The following A2ML1 variants were observed in gnomAD, a reference collection of about 807,000 sequenced individuals.
The protein encoded by A2ML1 is alpha-2-macroglobulin like 1.
Under a neutral mutation model 181.9 loss-of-function variants are expected in A2ML1, and 161 were observed. The ratio of observed to expected loss-of-function variants is 0.89; its 90% CI spans 0.78 to 1.01. A2ML1 has a LOEUF of 1.01. Among genes scored for constraint, A2ML1 ranks in the 50% least tolerant of loss-of-function variants. The probability of loss-of-function intolerance (pLI) is 0.00; values close to 1 mark genes in which losing one functional copy is unlikely to be tolerated. For missense variants in A2ML1, 1,670 were observed against 1,768.1 expected (o/e 0.94, Z 1.00); for synonymous variants, 663 against 666.8 (o/e 0.99, Z 0.09).
Position 8,835,665 on chromosome 12 carries a change from T to C in A2ML1, c.642T>C (p.Tyr214=). Residue 214 remains tyrosine, a splice_region_variant and synonymous_variant, in exon 6 of 36, where the codon TAT becomes TAC. Coordinates refer to ENST00000299698, the MANE Select transcript of A2ML1 (RefSeq NM_144670.6). ...TTGGTACTTTCAGTGTGGAGGAATA[T>C]GGTAGGTGGGGAAATGGACAGGCCA... ...KTFGTFSVEE[Y]VLPKFKVEVV... is the part of the protein sequence containing the mutation. The C allele has an allele frequency of 6.2e-7, 1 of 1,613,954 alleles. No individual in the cohort carries two copies. Among genetic ancestry groups the C allele is most frequent in the Non-Finnish European group, 8.5e-7 (1 of 1,179,950 alleles).
chr12:8,849,024 C>A, intron 16 of A2ML1, 110 bp downstream of exon 16: 1 of 1,225,376 alleles, frequency 8.2e-7, no homozygotes, highest in Non-Finnish European at 1.1e-6. Context: ...CTGATGGGAA[C>A]AAAATCTTGA....
chr12:8,857,210 G>A lies in A2ML1; in HGVS notation c.2895G>A (p.Gln965=), dbSNP rs11047626. 1 of 1,612,950 alleles carries A rather than the reference G, an allele frequency of 6.2e-7. No individual in the cohort carries two copies. Among genetic ancestry groups the A allele is most frequent in the Admixed American group, 1.7e-5 (1 of 60,026 alleles). The change falls in exon 24 of 36, where the codon CAG becomes CAA. Residue 965 remains glutamine, a synonymous_variant. Coordinates refer to ENST00000299698, the MANE Select transcript of A2ML1 (RefSeq NM_144670.6). ...TALQNLDGLV[Q]MPSGCGEQNM... ...TGCAGAACCTGGATGGTCTGGTGCA[G>A]ATGCCCAGTGGCTGTGGCGAGCAGA...
rs770914043 is a variant in A2ML1, at chr12:8,868,096, G to A, written c.3933+39G>A. The A allele has an allele frequency of 4.3e-6, 7 of 1,610,984 alleles. No homozygotes were observed. In the South Asian group the frequency reaches 7.7e-5, roughly 18 times the overall value. On this transcript the variant is annotated intron_variant, in intron 30 of 35. Transcript: ENST00000299698. ...CATGAGAATGAGCGGACATTGGGAA[G>A]GAGAGTCGGAGAGCATCTTCCCCTT...
At chr12:8,858,815 G>A (rs1410435785) in intron 26 of A2ML1, among the ~76,000 whole-genome samples, 1 of 151,998 alleles carries the variant, frequency 6.6e-6, no homozygotes, top group Admixed American at 6.6e-5. Context: ...AAAGATCTCT[G>A]GGCCTCTTAC....
chr12:8,873,211 T>C (rs905675820), intron 33 of A2ML1, among the ~76,000 whole-genome samples: 1 of 151,954 alleles, frequency 6.6e-6, no homozygotes, highest in African/African-American at 2.4e-5. Context: ...CAATTAGGCG[T>C]TAATAGCGCT....
At chr12:8,853,798 T>C (rs1943969926) in intron 20 of A2ML1, among the ~76,000 whole-genome samples, 1 of 152,214 alleles carries the variant, frequency 6.6e-6, no homozygotes, top group Admixed American at 6.5e-5. Context: ...TTTTGTAACC[T>C]AATCCCAGAA....
intron 33 of A2ML1, 29 bp downstream of exon 33, chr12:8,869,232 C>T: frequency 1.2e-6 from 2 of 1,608,662 alleles, no homozygotes; most frequent in Non-Finnish European, 1.7e-6. Flanking sequence ...GATCAAAGAG[C>T]TGGATTGCTT....
At chr12:8,837,891 GAAAAAAA>G (rs151300022) in intron 8 of A2ML1, among the ~76,000 whole-genome samples, 1 of 103,838 alleles carries the variant, frequency 9.6e-6, no homozygotes, top group Admixed American at 1.0e-4. Context: ...CTCCCCCACC[GAAAAAAA>G]AAAAAAAAAA....
chr12:8,868,645 T>C lies in A2ML1; in HGVS notation c.4152+18T>C. Reference sequence around the variant, plus strand: ...ATCAGTTAGTAAGTTACTTCTGTTTTCTTCATTTATCTAGCTGTGAGGGGA... The same window carrying C: ...ATCAGTTAGTAAGTTACTTCTGTTTCCTTCATTTATCTAGCTGTGAGGGGA... On this transcript the variant is annotated intron_variant, in intron 32 of 35. Coordinates refer to ENST00000299698, the MANE Select transcript of A2ML1 (RefSeq NM_144670.6). The C allele has an allele frequency of 6.2e-7, 1 of 1,607,920 alleles. No individual in the cohort carries two copies. Among genetic ancestry groups the C allele is most frequent in the Middle Eastern group, 1.7e-4 (1 of 6,022 alleles).
At position 8,848,850 on chromosome 12, in the gene A2ML1, G is replaced by C. The variant is rs754573937; in HGVS notation, c.1964G>C (p.Ser655Thr). ...GACCCAATGCCCCAAGGGCATTCGA[G>C]CCAGCGTTCCATTATCTGGAGGCCC... ...LIDPMPQGHS[S>T]QRSIIWRPSF... Residue 655 changes from serine (S) to threonine (T), a missense_variant, in exon 16 of 36, where the codon AGC becomes ACC. Physicochemically the swap from Ser to Thr is moderately conservative, Grantham distance 58. Coordinates refer to ENST00000299698, the MANE Select transcript of A2ML1 (RefSeq NM_144670.6). 5.6e-6 allele frequency: 9 copies of C among 1,613,994 alleles called. No individual in the cohort carries two copies. The highest frequency in any genetic ancestry group is 7.6e-6 in the Non-Finnish European group (9 of 1,180,006).
At chr12:8,842,409 T>C (rs111859302) in intron 11 of A2ML1, among the ~76,000 whole-genome samples, 19,284 of 151,812 alleles carry the variant, frequency 0.13, 1,493 homozygotes, top group Non-Finnish European at 0.18. Context: ...TTAGTAGAGA[T>C]GGGGTTTCAC....
At position 8,850,155 on chromosome 12, in the gene A2ML1, A is replaced by G; in HGVS notation, c.2120-5A>G. 3.8e-6 allele frequency: 6 copies of G among 1,592,142 alleles called. No individual in the cohort carries two copies. Among genetic ancestry groups the G allele is most frequent in the South Asian group, 1.1e-5 (1 of 87,320 alleles). The stretch of plus-strand genomic sequence containing the variant: ...CTAAAGTTTTCGTATTCTCAATTTC[A>G]TCAGCAGGCGGTGGTCATCCAGAGG... On this transcript the variant is annotated splice_region_variant and splice_polypyrimidine_tract_variant and intron_variant, in intron 17 of 35. Transcript: ENST00000299698.
intron 12 of A2ML1, 23 bp from the exon 13 acceptor site, chr12:8,845,419 G>C (rs780881601): frequency 3.1e-6 from 5 of 1,612,370 alleles, no homozygotes; most frequent in Non-Finnish European, 4.2e-6. Flanking sequence ...CTGTGCAGTT[G>C]ATTCTTTTCT....
At chr12:8,871,330 C>A (rs1944615145) in intron 33 of A2ML1, among the ~76,000 whole-genome samples, 1 of 152,124 alleles carries the variant, frequency 6.6e-6, no homozygotes, top group Non-Finnish European at 1.5e-5. Context: ...TATTTCTTTT[C>A]TCTTGGGCTT....
In A2ML1 at chr12:8,843,347, A is replaced by G; in HGVS notation, c.1462A>G (p.Ser488Gly). 2 of 1,614,042 alleles carry G rather than the reference A, an allele frequency of 1.2e-6. No homozygotes were observed. Among genetic ancestry groups the G allele is most frequent in the Non-Finnish European group, 1.7e-6 (2 of 1,179,910 alleles). The part of the protein sequence containing the change: ...PADASPDQEI[S>G]FSYYLIGKGS... ...CGATGCAAGCCCTGACCAAGAGATCAGCTTCTCCTACTATGTGAGACCGGG... is the reference window on the plus strand; with the variant it reads ...CGATGCAAGCCCTGACCAAGAGATCGGCTTCTCCTACTATGTGAGACCGGG... Residue 488 changes from serine to glycine, a missense_variant, in exon 12 of 36, where the codon AGC becomes GGC. Transcript: ENST00000299698.
intron 11 of A2ML1, 24 bp downstream of exon 11, chr12:8,841,560 T>C (rs375370882): frequency 3.8e-6 from 6 of 1,587,240 alleles, no homozygotes; most frequent in Middle Eastern, 1.7e-4. Flanking sequence ...GAGGACCAGC[T>C]TCCTAGAAAG....
chr12:8,826,237 A>G (rs776855467), intron 3 of A2ML1, among the ~76,000 whole-genome samples: 8 of 152,156 alleles, frequency 5.3e-5, no homozygotes, highest in Non-Finnish European at 1.2e-4. Flanking sequence ...AATTCTTCCA[A>G]TCCAGAAACA....
chr12:8,841,316 A>T, intron 10 of A2ML1, 53 bp from the exon 11 acceptor site: 4 of 1,546,120 alleles, frequency 2.6e-6, no homozygotes, highest in Admixed American at 1.9e-5. Context: ...TTTACCTCAT[A>T]CTCAAGCTTA....
chr12:8,869,168 T>A lies in A2ML1; in HGVS notation c.4186T>A (p.Phe1396Ile). ...GCAACCCCTGGTGAAGAAGGTTGAATTTGGAACTGACACACTTAACATTTA... is the reference window on the plus strand; with the variant it reads ...GCAACCCCTGGTGAAGAAGGTTGAAATTGGAACTGACACACTTAACATTTA... The part of the protein sequence containing the change: ...LQQPLVKKVE[F>I]GTDTLNIYLD... The change falls in exon 33 of 36, where the codon TTT becomes ATT. Residue 1396 changes from phenylalanine (F) to isoleucine (I), a missense_variant. Physicochemically the swap from Phe to Ile is conservative, Grantham distance 21. Transcript: ENST00000299698. The A allele has an allele frequency of 1.2e-6, 2 of 1,614,124 alleles. No homozygotes were observed. Among genetic ancestry groups the A allele is most frequent in the Non-Finnish European group, 1.7e-6 (2 of 1,180,036 alleles).
Sources: allele counts gnomAD v4.1 joint callset (sites outside exome capture counted in the v4.1 genomes callset), GRCh38; gene constraint gnomAD v4.1.1; transcripts MANE v1.5; gene names NCBI Gene and HGNC (gene_info 2026-07-23, HGNC 2026-07-21).